DMD: variants seen among roughly 807,000 people sequenced by gnomAD.
The protein encoded by DMD is mutant dystrophin.
A neutral mutation model predicts 330.1 loss-of-function variants in DMD; 63 were observed. The observed-to-expected ratio is 0.19, with a 90% CI of 0.16 to 0.24. DMD has a LOEUF of 0.24. DMD is among the 10% of genes least tolerant of loss of function. The pLI, the probability that DMD is intolerant of heterozygous loss-of-function variation, is 1.00. For missense variants in DMD, 3,344 were observed against 2,684.1 expected, an observed-to-expected ratio of 1.25 and a Z score of -5.43; for synonymous variants, 1,223 against 959.8, an observed-to-expected ratio of 1.27 and a Z score of -5.07.
At chrX:31,808,664 A>C (rs1340088679) in intron 50 of DMD, among the ~76,000 whole-genome samples, 21 of 111,290 alleles carry the variant, frequency 1.9e-4, no homozygotes, top group Non-Finnish European at 4.0e-4. Flanking sequence ...GAAAAAATAA[A>C]ACTTCTTGTG....
chrX:32,724,028 A>C (rs1033273660), intron 7 of DMD, among the ~76,000 whole-genome samples: 1 of 111,805 alleles, frequency 8.9e-6, no homozygotes, highest in Non-Finnish European at 1.9e-5. Context: ...AAGAATAAAA[A>C]CTAAAACTAA....
intron 47 of DMD, among the ~76,000 whole-genome samples, chrX:31,903,973 C>A (rs921113163): frequency 9.0e-6 from 1 of 111,247 alleles, no homozygotes; most frequent in Admixed American, 9.6e-5. Context: ...AAATAAAACA[C>A]CATATATGAA....
chrX:31,825,637 C>T (rs2092877275), intron 49 of DMD, among the ~76,000 whole-genome samples: 1 of 111,924 alleles, frequency 8.9e-6, no homozygotes, highest in Non-Finnish European at 1.9e-5. Flanking sequence ...TTAACCACTT[C>T]AACTGGGTCT....
At chrX:32,894,820 G>T (rs752766231) in intron 2 of DMD, among the ~76,000 whole-genome samples, 2 of 112,402 alleles carry the variant, frequency 1.8e-5, no homozygotes, top group Non-Finnish European at 3.8e-5. Flanking sequence ...TTGTGTGTAC[G>T]TGTGTGTATG....
At position 32,693,586 on chromosome X, in the gene DMD, T is replaced by C. The variant is rs149261138; in HGVS notation, c.960+4284A>G. Among the ~76,000 whole-genome samples the C allele has an allele frequency of 5.9e-3, 661 of 111,193 alleles. 8 individuals are homozygous for C. The highest frequency in any genetic ancestry group is 0.021 in the African/African-American group (640 of 30,524). ...TCCCAAGTAGCTGGGATTACAGGTG[T>C]GTGCCACCACACTCGCTTAATTTTT... is the stretch of plus-strand genomic sequence containing the variant. On this transcript the variant is annotated intron_variant, in intron 9 of 78. Transcript: ENST00000357033.
chrX:32,960,858 C>T (rs898113283), intron 2 of DMD, among the ~76,000 whole-genome samples: 1 of 102,556 alleles, frequency 9.8e-6, no homozygotes, highest in Admixed American at 1.1e-4. Context: ...AAACCGTGCA[C>T]GCCAACATCA....
Position 31,177,100 on chromosome X carries a change from A to T in DMD, c.10262+832T>A, listed in dbSNP as rs185342905. Among the ~76,000 whole-genome samples, 7 of 111,684 alleles carry T rather than the reference A, an allele frequency of 6.3e-5. No individual in the cohort carries two copies. The East Asian group carries it at 1.1e-3, about 18-fold the overall frequency. ...TAATAAAGCATACTTTGAAATACCA[A>T]AAGTTTGTTATAACAACCCTACATA... On this transcript the variant is annotated intron_variant, in intron 71 of 78. Transcript: ENST00000357033.
At chrX:32,574,269 G>T (rs979199770) in intron 13 of DMD, among the ~76,000 whole-genome samples, 1 of 111,839 alleles carries the variant, frequency 8.9e-6, no homozygotes, top group African/African-American at 3.2e-5. Context: ...AAACAATCTT[G>T]CATAATGAGA....
At chrX:32,620,067 CAG>C (rs753895573) in intron 11 of DMD, among the ~76,000 whole-genome samples, 1 of 112,002 alleles carries the variant, frequency 8.9e-6, no homozygotes, top group Admixed American at 9.5e-5. Flanking sequence ...ACCTGGGTAA[CAG>C]AAAATCTAGA....
intron 43 of DMD, among the ~76,000 whole-genome samples, chrX:32,282,688 TA>T (rs1183913066): frequency 8.9e-6 from 1 of 112,382 alleles, no homozygotes; most frequent in African/African-American, 3.2e-5. Context: ...TGTTCTCATC[TA>T]AAGCGTAATG....
At chrX:32,959,740 G>T (rs972399687) in intron 2 of DMD, among the ~76,000 whole-genome samples, 2 of 110,716 alleles carry the variant, frequency 1.8e-5, no homozygotes, top group African/African-American at 6.6e-5. Flanking sequence ...TGAAGCCCAA[G>T]AACTTGATAT....
Position 32,049,363 on chromosome X carries a change from T to C in DMD, c.6439-80849A>G, listed in dbSNP as rs773987334. On this transcript the variant is annotated intron_variant, in intron 44 of 78. Coordinates refer to ENST00000357033, the MANE Select transcript of DMD (RefSeq NM_004006.3). Reference sequence around the variant, plus strand: ...GGTAAGGGGTGCAATAAATTATTCATGCATAACCGCAACTACAAGGAAATG... The same window carrying C: ...GGTAAGGGGTGCAATAAATTATTCACGCATAACCGCAACTACAAGGAAATG... Among the ~76,000 whole-genome samples, 35 of 111,702 alleles carry C rather than the reference T, an allele frequency of 3.1e-4. No homozygotes were observed. In the South Asian group the frequency reaches 0.012, roughly 39 times the overall value.
intron 52 of DMD, among the ~76,000 whole-genome samples, chrX:31,726,612 G>C (rs775616667): frequency 8.9e-6 from 1 of 111,895 alleles, no homozygotes; most frequent in Admixed American, 9.5e-5. Flanking sequence ...CGATCGAAAA[G>C]TTTATGAGTA....
chrX:31,292,560 A>C (rs2053781234), intron 62 of DMD, among the ~76,000 whole-genome samples: 2 of 111,489 alleles, frequency 1.8e-5, no homozygotes, highest in Non-Finnish European at 3.8e-5. Context: ...GTATCTACTA[A>C]AGCTCAGCAT....
At chrX:31,615,791 C>A (rs954454506) in intron 55 of DMD, among the ~76,000 whole-genome samples, 2 of 111,899 alleles carry the variant, frequency 1.8e-5, no homozygotes, top group African/African-American at 6.5e-5. Context: ...TCACACAAAT[C>A]AAATGAGAAT....
chrX:32,607,429 T>C (rs1231130258), intron 12 of DMD, among the ~76,000 whole-genome samples: 4 of 101,077 alleles, frequency 4.0e-5, no homozygotes, highest in Admixed American at 2.3e-4. Context: ...AGTGCTTTTT[T>C]AGTCTTACTA....
intron 44 of DMD, among the ~76,000 whole-genome samples, chrX:32,187,386 T>C (rs993597528): frequency 3.6e-5 from 4 of 111,290 alleles, no homozygotes; most frequent in African/African-American, 1.3e-4. Context: ...ATTACGTCTT[T>C]TGCACTTTAT....
chrX:32,012,009 A>C (rs2095712644), intron 44 of DMD, among the ~76,000 whole-genome samples: 1 of 112,173 alleles, frequency 8.9e-6, no homozygotes, highest in Admixed American at 9.5e-5. Flanking sequence ...CCTCAAGTCT[A>C]AACAGTTGTC....
chrX:31,929,589 G>A lies in DMD; in HGVS notation c.6912+7C>T, dbSNP rs779161941. The A allele has an allele frequency of 5.0e-6, 6 of 1,208,271 alleles. No individual in the cohort carries two copies. The highest frequency in any genetic ancestry group is 3.0e-5 in the East Asian group (1 of 33,748). ...ACATGTGACGGAAGAGATGGTTAAT[G>A]TCTAACCTTTATCCACTGGAGATTT... On this transcript the variant is annotated splice_region_variant and intron_variant, in intron 47 of 78. Transcript: ENST00000357033.
Sources: allele counts gnomAD v4.1 joint callset (sites outside exome capture counted in the v4.1 genomes callset), GRCh38; gene constraint gnomAD v4.1.1; transcripts MANE v1.5; gene names NCBI Gene and HGNC (gene_info 2026-07-23, HGNC 2026-07-21).